AGBL1: variants seen among roughly 807,000 people sequenced by gnomAD.
AGBL1 encodes the protein AGBL carboxypeptidase 1, also known as cytosolic carboxypeptidase 4.
AGBL1 carries 130 observed loss-of-function variants against 118.9 expected under a neutral mutation model. The observed-to-expected ratio is 1.09, with a 90% CI of 0.95 to 1.26. The LOEUF is 1.26. AGBL1 is among the 50% of genes most tolerant of loss of function. AGBL1 has a pLI of 0.00. For synonymous variants in AGBL1, 555 were observed against 478.9 expected (o/e 1.16, Z -2.08); for missense variants, 1,584 against 1,298.1 (o/e 1.22, Z -3.38).
intron 17 of AGBL1, among the ~76,000 whole-genome samples, chr15:86,361,630 T>C (rs768334076): frequency 5.9e-5 from 9 of 152,116 alleles, no homozygotes; most frequent in Non-Finnish European, 1.0e-4. Context: ...GGTTCTTTGA[T>C]GTTGGGGGCA....
chr15:87,028,592 A>G (rs1044125195), intron 24 of AGBL1, among the ~76,000 whole-genome samples: 1 of 151,950 alleles, frequency 6.6e-6, no homozygotes, highest in Non-Finnish European at 1.5e-5. Flanking sequence ...ATTCAGTGCA[A>G]TGGGAATAAA....
At chr15:86,903,285 C>G (rs2141585050) in intron 22 of AGBL1, among the ~76,000 whole-genome samples, 1 of 151,840 alleles carries the variant, frequency 6.6e-6, no homozygotes, top group African/African-American at 2.4e-5. Flanking sequence ...TTTGCTGAGA[C>G]TTTTTGTTTT....
intron 1 of AGBL1, chr15:86,083,278 G>A (rs554614395): frequency 2.8e-4 from 43 of 152,338 alleles, no homozygotes; most frequent in African/African-American, 9.1e-4. Context: ...AACTGCCAGC[G>A]TTGCAGGATG....
At chr15:86,961,866 T>C (rs1207148319) in intron 23 of AGBL1, among the ~76,000 whole-genome samples, 1 of 152,048 alleles carries the variant, frequency 6.6e-6, no homozygotes, top group Non-Finnish European at 1.5e-5. Flanking sequence ...TCACCTAGGA[T>C]AATCTTGATT....
At chr15:86,475,844 A>G (rs1475121689) in intron 18 of AGBL1, among the ~76,000 whole-genome samples, 1 of 152,242 alleles carries the variant, frequency 6.6e-6, no homozygotes, top group African/African-American at 2.4e-5. Context: ...GTTACCCACA[A>G]AGGGAAGCCC....
At position 86,279,488 on chromosome 15, in the gene AGBL1, C is replaced by T. The variant is rs2079311960; in HGVS notation, c.2076-151C>T. 7 of 742,424 alleles carry T rather than the reference C, an allele frequency of 9.4e-6. No homozygotes were observed. In the South Asian group the frequency reaches 1.3e-4, roughly 14 times the overall value. The allele number at this position is 742,424 out of a possible 1,614,324, so 46.0% of individuals were successfully genotyped here. A position where few individuals can be genotyped will look rare whatever the true frequency, so the allele number is the denominator to read the frequency against. ...GTTTACTTGTACATTTCCCTTTTCTCAGTTTCACCCACAGAAATGTTTCAA... is the reference window on the plus strand; with the variant it reads ...GTTTACTTGTACATTTCCCTTTTCTTAGTTTCACCCACAGAAATGTTTCAA... On this transcript the variant is annotated intron_variant, in intron 15 of 22. Coordinates refer to ENST00000614907, the MANE Select transcript of AGBL1 (RefSeq NM_001386094.1).
chr15:86,760,677 T>C (rs2078010906), intron 22 of AGBL1, among the ~76,000 whole-genome samples: 1 of 152,102 alleles, frequency 6.6e-6, no homozygotes, highest in Non-Finnish European at 1.5e-5. Context: ...ATAACTTGGT[T>C]CCCACCTAGA....
At chr15:86,858,268 G>T (rs901825180) in intron 22 of AGBL1, among the ~76,000 whole-genome samples, 4 of 152,212 alleles carry the variant, frequency 2.6e-5, no homozygotes, top group African/African-American at 9.6e-5. Context: ...GTGAAGAAAA[G>T]TATTGGAAAA....
At chr15:86,599,628 C>T (rs1277523659) in intron 21 of AGBL1, among the ~76,000 whole-genome samples, 2 of 152,048 alleles carry the variant, frequency 1.3e-5, no homozygotes, top group Non-Finnish European at 2.9e-5. Context: ...TGCCTATAAG[C>T]GGTGATAATA....
At chr15:86,853,714 G>A (rs1368237456) in intron 22 of AGBL1, among the ~76,000 whole-genome samples, 1 of 152,136 alleles carries the variant, frequency 6.6e-6, no homozygotes, top group East Asian at 1.9e-4. Flanking sequence ...TGCAGCCATC[G>A]CTACATCTAG....
chr15:86,543,536 A>G (rs1361293191), intron 19 of AGBL1, among the ~76,000 whole-genome samples: 1 of 152,224 alleles, frequency 6.6e-6, no homozygotes, highest in African/African-American at 2.4e-5. Flanking sequence ...TTGGACCCCA[A>G]ACTTCTACAT....
chr15:86,774,654 T>G (rs549992386), intron 22 of AGBL1, among the ~76,000 whole-genome samples: 1 of 152,156 alleles, frequency 6.6e-6, no homozygotes, highest in Non-Finnish European at 1.5e-5. Flanking sequence ...CATTGAGGGC[T>G]AGTGGAAAGT....
At chr15:86,747,149 C>T (rs2141246408) in intron 22 of AGBL1, among the ~76,000 whole-genome samples, 1 of 152,016 alleles carries the variant, frequency 6.6e-6, no homozygotes, top group South Asian at 2.1e-4. Flanking sequence ...GCATGGGCCC[C>T]AAATATAGGC....
rs547899491 is a variant in AGBL1 at position 86,540,456 on chromosome 15, G to A, written c.2686-5546G>A. Among the ~76,000 whole-genome samples the A allele has an allele frequency of 1.6e-4, 25 of 152,200 alleles. No individual in the cohort carries two copies. In the South Asian group the frequency reaches 3.5e-3, roughly 21 times the overall value. On this transcript the variant is annotated intron_variant, in intron 19 of 22. Transcript: ENST00000614907. The stretch of plus-strand genomic sequence containing the variant: ...TAAAAACACAAAAAGTTAGCTGAGC[G>A]TGGTGGCAGGCACCTGCAGTCCTGG...
At chr15:86,786,871 T>A (rs561997276) in intron 22 of AGBL1, among the ~76,000 whole-genome samples, 3 of 152,214 alleles carry the variant, frequency 2.0e-5, no homozygotes, top group Non-Finnish European at 4.4e-5. Context: ...CCTTGTACCC[T>A]TGTACTACTG....
rs1326930058 is a variant in AGBL1 at position 86,944,054 on chromosome 15, C to A, written c.3222-43933C>A. Among the ~76,000 whole-genome samples, 9 of 151,976 alleles carry A rather than the reference C, an allele frequency of 5.9e-5. 1 individual carries two copies. Among genetic ancestry groups the A allele is most frequent in the Admixed American group, 4.6e-4 (7 of 15,254 alleles). Reference sequence around the variant, plus strand: ...AGATAAAATGAAATCTAAGATAAGACCTGAAGGAAGAGTAAGAGTCAGGTG... The same window carrying A: ...AGATAAAATGAAATCTAAGATAAGAACTGAAGGAAGAGTAAGAGTCAGGTG... On this transcript the variant is annotated intron_variant, in intron 23 of 24. Coordinates refer to the AGBL1 transcript ENST00000441037.
At chr15:86,201,719 C>A (rs1294527996) in intron 5 of AGBL1, among the ~76,000 whole-genome samples, 2 of 152,162 alleles carry the variant, frequency 1.3e-5, no homozygotes, top group African/African-American at 4.8e-5. Flanking sequence ...GACTAATGTG[C>A]CCAATTCTCA....
intron 18 of AGBL1, among the ~76,000 whole-genome samples, chr15:86,479,352 C>G (rs529062301): frequency 6.6e-6 from 1 of 152,266 alleles, no homozygotes; most frequent in East Asian, 1.9e-4. Flanking sequence ...GGGCTAATAT[C>G]CAGAATCTAC....
At chr15:86,539,050 T>C (rs1268555832) in intron 19 of AGBL1, among the ~76,000 whole-genome samples, 1 of 151,292 alleles carries the variant, frequency 6.6e-6, no homozygotes, top group Non-Finnish European at 1.5e-5. Context: ...CAGACAAGAA[T>C]GCATTGGAAA....
Sources: allele counts gnomAD v4.1 joint callset (sites outside exome capture counted in the v4.1 genomes callset), GRCh38; gene constraint gnomAD v4.1.1; transcripts MANE v1.5; gene names NCBI Gene and HGNC (gene_info 2026-07-23, HGNC 2026-07-21).